Variants in CSMD3 observed in about 807,000 individuals in gnomAD.
CSMD3 encodes the protein CUB and sushi domain-containing protein 3.
CSMD3 carries 177 observed loss-of-function variants against 435.2 expected under a neutral mutation model. That is an observed-to-expected ratio of 0.41 (90% confidence interval 0.36 to 0.46). The LOEUF (loss-of-function observed/expected upper bound fraction) is 0.46. CSMD3 is among the 20% of genes least tolerant of loss of function. CSMD3 has a pLI of 0.34. For synonymous variants in CSMD3, 1,656 were observed against 1,520.5 expected (o/e 1.09, Z -2.07); for missense variants, 4,265 against 4,504.6 (o/e 0.95, Z 1.52).
At chr8:112,955,416 G>A (rs2083979171) in intron 7 of CSMD3, among the ~76,000 whole-genome samples, 1 of 151,576 alleles carries the variant, frequency 6.6e-6, no homozygotes, top group East Asian at 1.9e-4. Flanking sequence ...ACATATTTAT[G>A]GCGTACATAG....
chr8:112,524,131 T>C (rs1367406862), intron 27 of CSMD3, among the ~76,000 whole-genome samples: 1 of 152,066 alleles, frequency 6.6e-6, no homozygotes, highest in African/African-American at 2.4e-5. Context: ...TGCTCCAGTA[T>C]GCCTACAAAA....
chr8:112,498,115 ATAACT>A (rs1377409238), intron 30 of CSMD3, among the ~76,000 whole-genome samples: 33 of 152,122 alleles, frequency 2.2e-4, no homozygotes, highest in Admixed American at 2.2e-3. Flanking sequence ...CAATGTAATA[ATAACT>A]TATGTAGTCT....
chr8:112,718,109 G>C (rs1196382776), intron 13 of CSMD3, among the ~76,000 whole-genome samples: 1 of 151,980 alleles, frequency 6.6e-6, no homozygotes, highest in African/African-American at 2.4e-5. Context: ...ACTCTAGTGA[G>C]AGAAAAGAAG....
intron 1 of CSMD3, among the ~76,000 whole-genome samples, chr8:113,345,239 T>C (rs1432903844): frequency 2.0e-5 from 3 of 152,098 alleles, no homozygotes; most frequent in African/African-American, 4.8e-5. Context: ...AAGAGATAAG[T>C]ACTGTGAAAG....
intron 32 of CSMD3, among the ~76,000 whole-genome samples, chr8:112,452,285 G>C (rs1158042094): frequency 6.6e-6 from 1 of 152,110 alleles, no homozygotes; most frequent in African/African-American, 2.4e-5. Context: ...TGTTGGTGGG[G>C]ACACATTTAA....
chr8:113,425,268 T>C (rs2094629617), intron 1 of CSMD3, among the ~76,000 whole-genome samples: 1 of 151,488 alleles, frequency 6.6e-6, no homozygotes, highest in African/African-American at 2.4e-5. Flanking sequence ...ATATTCTAAA[T>C]TTTACTTTAA....
At chr8:112,567,336 C>T (rs1460397306) in intron 24 of CSMD3, among the ~76,000 whole-genome samples, 1 of 152,128 alleles carries the variant, frequency 6.6e-6, no homozygotes, top group Non-Finnish European at 1.5e-5. Flanking sequence ...TACTATCTAT[C>T]CCATTGCCCT....
chr8:112,965,576 G>A (rs1327717755), intron 7 of CSMD3, among the ~76,000 whole-genome samples: 3 of 151,834 alleles, frequency 2.0e-5, no homozygotes, highest in African/African-American at 7.2e-5. Flanking sequence ...TCAAAAGCAT[G>A]GCTTGAAGGG....
chr8:113,352,655 GATT>G (rs2094197748), intron 1 of CSMD3, among the ~76,000 whole-genome samples: 1 of 152,120 alleles, frequency 6.6e-6, no homozygotes, highest in African/African-American at 2.4e-5. Flanking sequence ...GACATTTTAA[GATT>G]ATACCAGGAG....
chr8:112,866,916 T>A (rs1161728213), intron 10 of CSMD3, among the ~76,000 whole-genome samples: 1 of 152,130 alleles, frequency 6.6e-6, no homozygotes, highest in Non-Finnish European at 1.5e-5. Context: ...AATGAGTGAG[T>A]ATGTACAGCT....
At chr8:112,781,977 C>T (rs998279206) in intron 13 of CSMD3, among the ~76,000 whole-genome samples, 2 of 152,104 alleles carry the variant, frequency 1.3e-5, no homozygotes, top group African/African-American at 4.8e-5. Flanking sequence ...AGGACAAATA[C>T]AAACAAGCCC....
At position 112,438,800 on chromosome 8, in the gene CSMD3, A is replaced by C. The variant is rs185723295; in HGVS notation, c.5396-29768T>G. On this transcript the variant is annotated intron_variant, in intron 32 of 70. Transcript: ENST00000297405. Reference sequence around the variant, plus strand: ...AGCATTTGGTTAAATAAATGAAAAAATAATTATAACCCCATATAGCTACTA... The same window carrying C: ...AGCATTTGGTTAAATAAATGAAAAACTAATTATAACCCCATATAGCTACTA... Among the ~76,000 whole-genome samples the C allele has an allele frequency of 5.3e-5, 8 of 152,354 alleles. No homozygotes were observed. In the East Asian group the frequency reaches 1.5e-3, roughly 29 times the overall value.
chr8:112,827,521 A>T (rs938559562), intron 12 of CSMD3, among the ~76,000 whole-genome samples: 1 of 152,126 alleles, frequency 6.6e-6, no homozygotes, highest in African/African-American at 2.4e-5. Context: ...CTCATCAAAT[A>T]CATGTTTTAC....
chr8:112,383,758 C>A, intron 36 of CSMD3, 95 bp from the exon 37 acceptor site: 1 of 815,560 alleles, frequency 1.2e-6, no homozygotes. Context: ...GAGTTCAAAT[C>A]CTGAACCACA....
At chr8:113,262,923 A>C (rs754243203) in intron 3 of CSMD3, among the ~76,000 whole-genome samples, 5 of 152,084 alleles carry the variant, frequency 3.3e-5, no homozygotes, top group Non-Finnish European at 7.4e-5. Context: ...ACAAGACTGT[A>C]AACTTCTGTT....
intron 2 of CSMD3, among the ~76,000 whole-genome samples, chr8:113,286,297 A>C (rs904921926): frequency 6.6e-6 from 1 of 152,144 alleles, no homozygotes; most frequent in Non-Finnish European, 1.5e-5. Flanking sequence ...TTATACTGAA[A>C]TGAATAACTA....
intron 11 of CSMD3, among the ~76,000 whole-genome samples, chr8:112,847,123 G>C (rs1156921766): frequency 6.6e-6 from 1 of 152,040 alleles, no homozygotes; most frequent in East Asian, 1.9e-4. Context: ...TCCCTGTACT[G>C]CTGCCTCAGG....
intron 27 of CSMD3, among the ~76,000 whole-genome samples, chr8:112,528,980 T>C (rs1285812974): frequency 1.3e-5 from 2 of 151,872 alleles, no homozygotes; most frequent in South Asian, 2.1e-4. Flanking sequence ...CTAGGGGCAA[T>C]TGATGCCCCT....
chr8:112,738,687 CA>C (rs1283801563), intron 13 of CSMD3, among the ~76,000 whole-genome samples: 1 of 151,560 alleles, frequency 6.6e-6, no homozygotes, highest in Admixed American at 6.6e-5. Context: ...AAAATTTTGT[CA>C]AAAAAATGCC....
Sources: allele counts gnomAD v4.1 joint callset (sites outside exome capture counted in the v4.1 genomes callset), GRCh38; gene constraint gnomAD v4.1.1; transcripts MANE v1.5; gene names NCBI Gene and HGNC (gene_info 2026-07-23, HGNC 2026-07-21).